UNC13C: variants seen among roughly 807,000 people sequenced by gnomAD.
The protein encoded by UNC13C is protein unc-13 homolog C.
UNC13C carries 174 observed loss-of-function variants against 245.4 expected under a neutral mutation model. The ratio of observed to expected loss-of-function variants is 0.71; its 90% CI spans 0.63 to 0.80. The LOEUF (loss-of-function observed/expected upper bound fraction) is 0.80, where lower values mean the gene tolerates loss of function less well. Among genes scored for constraint, UNC13C ranks in the 30% least tolerant of loss-of-function variants. The pLI, the probability that UNC13C is intolerant of heterozygous loss-of-function variation, is 0.00. For synonymous variants in UNC13C, 992 were observed against 895.1 expected, an observed-to-expected ratio of 1.11 and a Z score of -1.93; for missense variants, 2,829 against 2,602.9, an observed-to-expected ratio of 1.09 and a Z score of -1.89.
chr15:53,975,924 C>G (rs939780476), upstream of UNC13C, among the ~76,000 whole-genome samples: 8 of 152,142 alleles, frequency 5.3e-5, no homozygotes, highest in Admixed American at 5.2e-4. Context: ...TACTTCTTAT[C>G]CTGTGTTGTT....
intron 16 of UNC13C, 120 bp from the exon 17 acceptor site, chr15:54,338,241 C>T: frequency 1.7e-6 from 2 of 1,150,378 alleles, no homozygotes; most frequent in Middle Eastern, 2.1e-4. Context: ...GGTAAGATGA[C>T]ACTTACTGAA....
At chr15:54,006,725 G>T in intron 1 of UNC13C, among the ~76,000 whole-genome samples, 1 of 152,156 alleles carries the variant, frequency 6.6e-6, no homozygotes, top group African/African-American at 2.4e-5. Flanking sequence ...CTCATCATCT[G>T]CCTTGTCCCA....
At chr15:53,947,499 A>G in the UNC13C span, 3 of 152,270 alleles carry the variant, frequency 2.0e-5, no homozygotes, top group East Asian at 5.8e-4. Context: ...CTTTTGCAGC[A>G]TTTCCTTAAT....
At chr15:54,265,552 A>T in intron 10 of UNC13C, 56 bp downstream of exon 10, 1 of 1,290,568 alleles carries the variant, frequency 7.7e-7, no homozygotes, top group South Asian at 2.0e-5. Context: ...AATGAATTTA[A>T]GACAGGCATA....
rs943393202 is a variant in UNC13C, at chr15:54,623,663, C to T, written c.6200-132C>T. The stretch of plus-strand genomic sequence containing the variant: ...CAGAAAGAAAATTGTATTTTATTGT[C>T]TTGGAGTACAGTGTCTTGTCAGTGG... On this transcript the variant is annotated intron_variant, in intron 31 of 32. Coordinates refer to ENST00000260323, the MANE Select transcript of UNC13C (RefSeq NM_001080534.3). The T allele has an allele frequency of 7.8e-6, 6 of 765,672 alleles. No individual in the cohort carries two copies. In the African/African-American group the frequency reaches 1.1e-4, roughly 13 times the overall value. 47.4% of individuals were successfully genotyped at this position (765,672 alleles called of 1,614,324 possible).
At chr15:54,071,199 A>G (rs1227762956) in intron 2 of UNC13C, among the ~76,000 whole-genome samples, 1 of 152,130 alleles carries the variant, frequency 6.6e-6, no homozygotes, top group Non-Finnish European at 1.5e-5. Flanking sequence ...TTTTTAAAAA[A>G]AATTTGTAAA....
chr15:54,183,066 G>A (rs1187455316), intron 4 of UNC13C, among the ~76,000 whole-genome samples: 1 of 151,356 alleles, frequency 6.6e-6, no homozygotes, highest in Non-Finnish European at 1.5e-5. Flanking sequence ...AGCTAGTAGA[G>A]GAGAAAAATA....
At chr15:54,128,499 T>C (rs1037572707) in intron 2 of UNC13C, among the ~76,000 whole-genome samples, 1 of 152,210 alleles carries the variant, frequency 6.6e-6, no homozygotes, top group African/African-American at 2.4e-5. Flanking sequence ...CATCTGTTGA[T>C]TGTCTTTCCT....
At chr15:54,537,802 T>C (rs1421104643) in intron 26 of UNC13C, among the ~76,000 whole-genome samples, 1 of 152,046 alleles carries the variant, frequency 6.6e-6, no homozygotes, top group African/African-American at 2.4e-5. Flanking sequence ...AGATTAAAAC[T>C]GGACCCTTTC....
At chr15:53,908,665 T>A in the UNC13C span, among the ~76,000 whole-genome samples, 1 of 135,976 alleles carries the variant, frequency 7.4e-6, no homozygotes, top group Non-Finnish European at 1.6e-5. Context: ...AGAAGGAGGA[T>A]CAGCTGAGAT....
chr15:54,599,134 TATC>T lies in UNC13C; in HGVS notation c.6107-23187_6107-23185del, dbSNP rs150969151. On this transcript the variant is annotated intron_variant, in intron 30 of 32. Transcript: ENST00000260323. Reference sequence around the variant, plus strand: ...GGTCACACATATATAGGTAGAGAAATATCATCATTCCCATCTGGTCACACATAT... The same window carrying T: ...GGTCACACATATATAGGTAGAGAAATATCATTCCCATCTGGTCACACATAT... Among the ~76,000 whole-genome samples the T allele has an allele frequency of 9.1e-3, 1,381 of 152,198 alleles. 29 individuals carry two copies. The highest frequency in any genetic ancestry group is 0.031 in the African/African-American group (1,289 of 41,540).
At chr15:54,565,242 A>T (rs1897460759) in intron 29 of UNC13C, among the ~76,000 whole-genome samples, 1 of 151,926 alleles carries the variant, frequency 6.6e-6, no homozygotes, top group South Asian at 2.1e-4. Flanking sequence ...TTCCTACTAG[A>T]TCATAATCCC....
the UNC13C span, among the ~76,000 whole-genome samples, chr15:53,952,723 A>T: frequency 6.6e-6 from 1 of 152,232 alleles, no homozygotes; most frequent in South Asian, 2.1e-4. Flanking sequence ...GATTGAAGCT[A>T]GGCATAAGAT....
At position 54,303,399 on chromosome 15, in the gene UNC13C, G is replaced by A. The variant is rs886906254; in HGVS notation, c.4268+3026G>A. On this transcript the variant is annotated intron_variant, in intron 13 of 32. Coordinates refer to ENST00000260323, the MANE Select transcript of UNC13C (RefSeq NM_001080534.3). Reference sequence around the variant, plus strand: ...GCTGCTGGATAGAATCCCATTAAAAGAAAAGATTAAGTTAAATTTATTCTA... The same window carrying A: ...GCTGCTGGATAGAATCCCATTAAAAAAAAAGATTAAGTTAAATTTATTCTA... Among the ~76,000 whole-genome samples, 9 of 152,218 alleles carry A rather than the reference G, an allele frequency of 5.9e-5. No individual in the cohort carries two copies. The East Asian group carries it at 1.5e-3, about 26-fold the overall frequency.
chr15:53,975,210 C>T (rs144696175), upstream of UNC13C, among the ~76,000 whole-genome samples: 88 of 152,294 alleles, frequency 5.8e-4, no homozygotes, highest in African/African-American at 1.9e-3. Context: ...CAGAACTTAA[C>T]GTGTGTTTTA....
chr15:54,537,764 T>G (rs1412845797), intron 26 of UNC13C, among the ~76,000 whole-genome samples: 1 of 151,198 alleles, frequency 6.6e-6, no homozygotes, highest in Non-Finnish European at 1.5e-5. Context: ...AATGGTGTTG[T>G]TAGAATAACT....
rs1205372171 is a variant in UNC13C, at chr15:54,628,593, T to C, written c.*1480T>C. On this transcript the variant is annotated 3_prime_UTR_variant, in exon 33 of 33. Coordinates refer to ENST00000260323, the MANE Select transcript of UNC13C (RefSeq NM_001080534.3). ...ATATGCTTTAATAAATGGATGTATA[T>C]TGAGCACATGCAGCATTGTATTGTA... 6.6e-6 allele frequency: 1 copy of C among 152,604 alleles called. No individual in the cohort carries two copies. Among genetic ancestry groups the C allele is most frequent in the African/African-American group, 2.4e-5 (1 of 41,454 alleles). 9.5% of individuals were successfully genotyped at this position (152,604 alleles called of 1,614,324 possible).
At chr15:53,980,222 A>G (rs1052107408) in intron 1 of UNC13C, among the ~76,000 whole-genome samples, 1 of 152,238 alleles carries the variant, frequency 6.6e-6, no homozygotes, top group Non-Finnish European at 1.5e-5. Context: ...TATCTGGAGC[A>G]CTTAGGCCGT....
At chr15:53,959,941 T>C in the UNC13C span, among the ~76,000 whole-genome samples, 3 of 152,178 alleles carry the variant, frequency 2.0e-5, no homozygotes, top group Admixed American at 2.0e-4. Context: ...GGTATTTTAA[T>C]AAATGGGGTG....
Sources: gnomAD v4.1 joint callset for allele counts (sites outside exome capture counted in the v4.1 genomes callset) on GRCh38, gnomAD v4.1.1 for gene constraint, MANE v1.5 for transcripts, NCBI Gene and HGNC (gene_info 2026-07-23, HGNC 2026-07-21) for gene names.